Variants in IHH observed in about 807,000 individuals in gnomAD.
IHH encodes the protein indian hedgehog protein.
A neutral mutation model predicts 29.4 loss-of-function variants in IHH; 9 were observed. The ratio of observed to expected loss-of-function variants is 0.31; its 90% CI spans 0.18 to 0.53. The LOEUF (loss-of-function observed/expected upper bound fraction) is 0.53, where lower values mean the gene tolerates loss of function less well. Among genes scored for constraint, IHH ranks in the 20% least tolerant of loss-of-function variants. IHH has a pLI of 0.95. For missense variants in IHH, 454 were observed against 578.1 expected (o/e 0.79, Z 2.20); for synonymous variants, 254 against 252.7 (o/e 1.01, Z -0.05).
chr2:219,056,918 C>T (rs929435153), intron 2 of IHH, among the ~76,000 whole-genome samples: 1 of 152,204 alleles, frequency 6.6e-6, no homozygotes, highest in Non-Finnish European at 1.5e-5. Flanking sequence ...CTGGCTTTGC[C>T]CCAAAATGTC....
In IHH at chr2:219,057,536, G is replaced by A. The variant is rs779598900; in HGVS notation, c.474C>T (p.Arg158=). Residue 158 remains arginine (R), a synonymous_variant, in exon 2 of 3, where the codon CGC becomes CGT. Coordinates refer to ENST00000295731, the MANE Select transcript of IHH (RefSeq NM_002181.4). ...CCAGCAGTCCATACTTATTGCGGTC[G>A]CGGTCTGATGTGGTGATGTCCACCG... ...GRAVDITTSD[R]DRNKYGLLAR... is the part of the protein sequence containing the mutation. 5.0e-6 allele frequency: 8 copies of A among 1,614,012 alleles called. No individual in the cohort carries two copies. The highest frequency in any genetic ancestry group is 1.7e-5 in the Admixed American group (1 of 60,032).
Position 219,055,646 on chromosome 2 carries a change from G to C in IHH, c.797C>G (p.Pro266Arg), listed in dbSNP as rs773432715. 6.2e-7 allele frequency: 1 copy of C among 1,613,996 alleles called. No individual in the cohort carries two copies. The highest frequency in any genetic ancestry group is 8.5e-7 in the Non-Finnish European group (1 of 1,179,960). ...AFQVIETQDP[P>R]RRLALTPAHL... Reference sequence around the variant, plus strand: ...AGCGGGTGTGAGTGCCAGGCGGCGTGGGGGGTCCTGAGTCTCGATGACCTG... The same window carrying C: ...AGCGGGTGTGAGTGCCAGGCGGCGTCGGGGGTCCTGAGTCTCGATGACCTG... Residue 266 changes from proline (P) to arginine (R), a missense_variant, in exon 3 of 3, where the codon CCA (proline) becomes CGA (arginine). Transcript: ENST00000295731.
intron 2 of IHH, among the ~76,000 whole-genome samples, chr2:219,057,003 G>A (rs1948837953): frequency 6.6e-6 from 1 of 152,208 alleles, no homozygotes; most frequent in Non-Finnish European, 1.5e-5. Context: ...TGGGTGGTGG[G>A]TTCTGAGCCT....
rs747568022 is a variant in IHH, at chr2:219,060,137, G to A, written c.315+16C>T. The A allele has an allele frequency of 7.6e-5, 121 of 1,596,352 alleles. No homozygotes were observed. The highest frequency in any genetic ancestry group is 9.0e-5 in the Non-Finnish European group (105 of 1,169,442). On this transcript the variant is annotated intron_variant, in intron 1 of 2. Coordinates refer to ENST00000295731, the MANE Select transcript of IHH (RefSeq NM_002181.4). This position sits in a 1 kb window ranked among gnomAD's most constrained non-coding sequence, Gnocchi z 8.8. ...TGCTTCGGTGGCGGCGCGCTGGTAG[G>A]GCGGATCGCGCTCACCTGGGTCATG...
At chr2:219,056,212 C>T (rs1948829555) in intron 2 of IHH, among the ~76,000 whole-genome samples, 1 of 152,220 alleles carries the variant, frequency 6.6e-6, no homozygotes, top group South Asian at 2.1e-4. Context: ...TCTGTTATTT[C>T]TCACCCCTTG....
intron 2 of IHH, among the ~76,000 whole-genome samples, 179 bp from the exon 3 acceptor site, chr2:219,056,044 C>T (rs1574686632): frequency 1.3e-5 from 2 of 151,374 alleles, no homozygotes; most frequent in East Asian, 1.9e-4. Flanking sequence ...TACTTCACTG[C>T]CCCCATCCCC....
chr2:219,060,385 C>T lies in IHH; in HGVS notation c.83G>A (p.Cys28Tyr), dbSNP rs776751822. 1 of 1,601,720 alleles carries T rather than the reference C, an allele frequency of 6.2e-7. No homozygotes were observed. The highest frequency in any genetic ancestry group is 1.1e-5 in the South Asian group (1 of 90,892). ...LLLVVPAAWG[C>Y]GPGRVVGSRR... ...GCTGCCCACCACCCGACCCGGCCCG[C>T]AGCCCCATGCCGCCGGCACCACCAG... The change falls in exon 1 of 3, where the codon TGC (cysteine) becomes TAC (tyrosine). Residue 28 changes from cysteine to tyrosine, a missense_variant. Coordinates refer to ENST00000295731, the MANE Select transcript of IHH (RefSeq NM_002181.4). This position sits in a 1 kb window ranked among gnomAD's most constrained non-coding sequence, Gnocchi z 8.8.
Position 219,057,424 on chromosome 2 carries a change from G to T in IHH, c.577+9C>A. 5 of 1,558,884 alleles carry T rather than the reference G, an allele frequency of 3.2e-6. No individual in the cohort carries two copies. Among genetic ancestry groups the T allele is most frequent in the Non-Finnish European group, 4.3e-6 (5 of 1,151,856 alleles). On this transcript the variant is annotated intron_variant, in intron 2 of 2. Transcript: ENST00000295731. Reference sequence around the variant, plus strand: ...CGGCCCCGGGCCCAGCCCCCCGGCGGCGGCTCACCGGACTTGACGGAGCAA... The same window carrying T: ...CGGCCCCGGGCCCAGCCCCCCGGCGTCGGCTCACCGGACTTGACGGAGCAA...
At chr2:219,056,448 GGCATCA>G (rs1476224436) in intron 2 of IHH, among the ~76,000 whole-genome samples, 20 of 152,332 alleles carry the variant, frequency 1.3e-4, no homozygotes, top group African/African-American at 4.3e-4. Context: ...AGAACACTGC[GGCATCA>G]GCAGGTGAGC....
Position 219,055,804 on chromosome 2 carries a change from C to T in IHH, c.639G>A (p.Glu213=). 6.2e-7 allele frequency: 1 copy of T among 1,612,968 alleles called. No individual in the cohort carries two copies. Among genetic ancestry groups the T allele is most frequent in the Non-Finnish European group, 8.5e-7 (1 of 1,179,990 alleles). ...CFPAGAQVRL[E]SGARVALSAV... is the part of the protein sequence containing the mutation. ...CTGACAAGGCCACACGCGCCCCACT[C>T]TCCAGGCGTACCTGGGCTCCGGCAG... Residue 213 remains glutamate, a synonymous_variant, in exon 3 of 3, where the codon GAG becomes GAA. Coordinates refer to ENST00000295731, the MANE Select transcript of IHH (RefSeq NM_002181.4).
In IHH at chr2:219,059,433, C is replaced by T. The variant is rs545420549; in HGVS notation, c.315+720G>A. 6.6e-6 allele frequency among the ~76,000 whole-genome samples: 1 copy of T among 152,258 alleles called. No individual in the cohort carries two copies. Among genetic ancestry groups the T allele is most frequent in the East Asian group, 1.9e-4 (1 of 5,180 alleles). On this transcript the variant is annotated intron_variant, in intron 1 of 2. Transcript: ENST00000295731. The surrounding 1 kb of genome is among the most constrained non-coding windows in gnomAD (Gnocchi z 4.7). ...CCCTGCCTCCCTCGGCATCTCAGCC[C>T]CTCTTTTCCACTCCTTCCCGTCCCC...
At position 219,057,699 on chromosome 2, in the gene IHH, G is replaced by A; in HGVS notation, c.316-5C>T. The A allele has an allele frequency of 6.2e-7, 1 of 1,605,152 alleles. No individual in the cohort carries two copies. Among genetic ancestry groups the A allele is most frequent in the Non-Finnish European group, 8.5e-7 (1 of 1,179,974 alleles). ...GTTCAGGCGGTCCTTGCAGCGCTGGGAGAGGAATGTGCGCGAAATCAACCA... is the reference window on the plus strand; with the variant it reads ...GTTCAGGCGGTCCTTGCAGCGCTGGAAGAGGAATGTGCGCGAAATCAACCA... On this transcript the variant is annotated splice_region_variant and splice_polypyrimidine_tract_variant and intron_variant, in intron 1 of 2. Transcript: ENST00000295731.
At chr2:219,057,311 T>C in intron 2 of IHH, 122 bp downstream of exon 2, 6 of 1,152,904 alleles carry the variant, frequency 5.2e-6, no homozygotes, top group Non-Finnish European at 7.5e-6. Context: ...GCGCCGCTGA[T>C]GTCCTCTTCC....
rs375902139 is a variant in IHH at position 219,058,387 on chromosome 2, C to A, written c.316-693G>T. 1.6e-3 allele frequency among the ~76,000 whole-genome samples: 242 copies of A among 152,338 alleles called. 2 individuals carry two copies. Among genetic ancestry groups the A allele is most frequent in the African/African-American group, 5.6e-3 (232 of 41,582 alleles). On this transcript the variant is annotated intron_variant, in intron 1 of 2. Coordinates refer to ENST00000295731, the MANE Select transcript of IHH (RefSeq NM_002181.4). The stretch of plus-strand genomic sequence containing the variant: ...ATGACAGGGCCAGGGAACCAGAAAC[C>A]GGCGGATTAGCGCCAGGGCCGCCCA...
In IHH at chr2:219,060,378, C is replaced by A. The variant is rs1013067625; in HGVS notation, c.90G>T (p.Pro30=). 1 of 1,603,364 alleles carries A rather than the reference C, an allele frequency of 6.2e-7. No homozygotes were observed. Among genetic ancestry groups the A allele is most frequent in the Non-Finnish European group, 8.5e-7 (1 of 1,178,286 alleles). ...GCCGGCGGCTGCCCACCACCCGACC[C>A]GGCCCGCAGCCCCATGCCGCCGGCA... The part of the protein sequence containing the change: ...LVVPAAWGCG[P]GRVVGSRRRP... Residue 30 remains proline (P), a synonymous_variant, in exon 1 of 3, where the codon CCG becomes CCT. Transcript: ENST00000295731. This position sits in a 1 kb window ranked among gnomAD's most constrained non-coding sequence, Gnocchi z 8.8.
chr2:219,056,944 G>A (rs1948837548), intron 2 of IHH, among the ~76,000 whole-genome samples: 1 of 152,246 alleles, frequency 6.6e-6, no homozygotes, highest in East Asian at 1.9e-4. Context: ...TCAGGGCACA[G>A]GGGGAGAGGT....
chr2:219,059,569 C>T lies in IHH; in HGVS notation c.315+584G>A, dbSNP rs1948863092. On this transcript the variant is annotated intron_variant, in intron 1 of 2. Transcript: ENST00000295731. The surrounding 1 kb of genome is among the most constrained non-coding windows in gnomAD (Gnocchi z 4.7). ...AGCTCTCCGGACAGACACGTGGGCT[C>T]GCTGGGCAGGTTCCTTTTCCCACCT... 6.6e-6 allele frequency among the ~76,000 whole-genome samples: 1 copy of T among 152,142 alleles called. No individual in the cohort carries two copies. The highest frequency in any genetic ancestry group is 1.5e-5 in the Non-Finnish European group (1 of 68,020).
chr2:219,060,046 G>A lies in IHH; in HGVS notation c.315+107C>T. The A allele has an allele frequency of 1.0e-6, 1 of 1,001,468 alleles. No homozygotes were observed. The highest frequency in any genetic ancestry group is 2.4e-5 in the East Asian group (1 of 40,842). The allele number at this position is 1,001,468 out of a possible 1,614,324, so 62.0% of individuals were successfully genotyped here. ...GCGGGGCTTGGCGAGAGGGGCAGGT[G>A]CCAGGGAGCGTGCCAGCCAGTCGAG... On this transcript the variant is annotated intron_variant, in intron 1 of 2. Transcript: ENST00000295731. This position sits in a 1 kb window ranked among gnomAD's most constrained non-coding sequence, Gnocchi z 8.8.
chr2:219,055,456 G>A lies in IHH; in HGVS notation c.987C>T (p.Tyr329=), dbSNP rs202042901. 32 of 1,611,496 alleles carry A rather than the reference G, an allele frequency of 2.0e-5. No homozygotes were observed. The highest frequency in any genetic ancestry group is 1.8e-4 in the East Asian group (8 of 44,834). ...AVSTHVALGA[Y]APLTKHGTLV... ...GTGTCCCATGCTTTGTGAGCGGGGC[G>A]TAGGCCCCGAGGGCCACGTGTGTAG... The change falls in exon 3 of 3, where the codon TAC becomes TAT. Residue 329 remains tyrosine, a synonymous_variant. Coordinates refer to ENST00000295731, the MANE Select transcript of IHH (RefSeq NM_002181.4).
Sources: gnomAD v4.1 joint callset for allele counts (sites outside exome capture counted in the v4.1 genomes callset) on GRCh38, gnomAD v4.1.1 for gene constraint, Gnocchi (gnomAD v3.1) non-coding constraint, MANE v1.5 for transcripts, NCBI Gene and HGNC (gene_info 2026-07-23, HGNC 2026-07-21) for gene names.